Variants in BTG4 observed in about 807,000 individuals in gnomAD.
The protein encoded by BTG4 is protein BTG4.
A neutral mutation model predicts 19.3 loss-of-function variants in BTG4; 10 were observed. The ratio of observed to expected loss-of-function variants is 0.52; its 90% CI spans 0.32 to 0.88. The LOEUF (loss-of-function observed/expected upper bound fraction) is 0.88. BTG4 is among the 40% of genes least tolerant of loss of function. The probability of loss-of-function intolerance (pLI) is 0.04; values close to 1 mark genes in which losing one functional copy is unlikely to be tolerated. For synonymous variants in BTG4, 91 were observed against 95.7 expected, an observed-to-expected ratio of 0.95 and a Z score of 0.29; for missense variants, 238 against 281.9, an observed-to-expected ratio of 0.84 and a Z score of 1.11.
the BTG4 span, among the ~76,000 whole-genome samples, chr11:111,412,484 G>A: frequency 1.6e-4 from 24 of 152,206 alleles, no homozygotes; most frequent in East Asian, 3.5e-3. Flanking sequence ...ATGCTGACAC[G>A]GCTTTTCTGA....
chr11:111,454,867 G>A, the BTG4 span: 5 of 410,020 alleles, frequency 1.2e-5, no homozygotes, highest in Admixed American at 1.2e-4. Flanking sequence ...AGTCTCTCCA[G>A]CTGTTGGCAG....
the BTG4 span, among the ~76,000 whole-genome samples, chr11:111,437,186 C>CA: frequency 6.6e-6 from 1 of 152,014 alleles, no homozygotes; most frequent in Non-Finnish European, 1.5e-5. Flanking sequence ...ACACGGTGTT[C>CA]CAAAGAGCAA....
chr11:111,510,233 A>G (rs1866786583), intron 1 of BTG4, among the ~76,000 whole-genome samples: 1 of 152,062 alleles, frequency 6.6e-6, no homozygotes, highest in South Asian at 2.1e-4. Context: ...TCTAATTCCC[A>G]ATTCCCATCA....
the BTG4 span, among the ~76,000 whole-genome samples, chr11:111,439,310 A>G: frequency 6.6e-6 from 1 of 152,220 alleles, no homozygotes; most frequent in African/African-American, 2.4e-5. Context: ...GCATTGTGGC[A>G]GCACAGGCCC....
At chr11:111,503,349 A>T (rs1015409016) in intron 1 of BTG4, among the ~76,000 whole-genome samples, 37 of 152,246 alleles carry the variant, frequency 2.4e-4, no homozygotes, top group African/African-American at 8.9e-4. Context: ...GTCCACTGAC[A>T]AGATGTCAGA....
chr11:111,513,410 A>G (rs1360369302), upstream of BTG4: 1 of 534,314 alleles, frequency 1.9e-6, no homozygotes. Flanking sequence ...GTGTTGGGGT[A>G]CCAACTTGAG....
At chr11:111,486,062 C>T (rs1865043773) in intron 5 of BTG4, among the ~76,000 whole-genome samples, 1 of 152,124 alleles carries the variant, frequency 6.6e-6, no homozygotes, top group African/African-American at 2.4e-5. Context: ...CCTGAATAGA[C>T]CAATAACAAG....
At chr11:111,454,212 C>T in the BTG4 span, 1 of 440,662 alleles carries the variant, frequency 2.3e-6, no homozygotes, top group African/African-American at 2.0e-5. Flanking sequence ...GGAGGATAAT[C>T]CTTCTTCCCT....
intron 3 of BTG4, 36 bp downstream of exon 3, chr11:111,497,962 G>A: frequency 1.3e-6 from 2 of 1,598,854 alleles, no homozygotes; most frequent in South Asian, 2.2e-5. Flanking sequence ...AAGGTTTCCA[G>A]GTATCACACA....
chr11:111,475,135 A>G (rs2135547889), intron 5 of BTG4: 1 of 152,678 alleles, frequency 6.5e-6, no homozygotes, highest in Middle Eastern at 3.4e-3. Context: ...TTCAGTCTGC[A>G]TTATTAAAAG....
chr11:111,467,280 C>G (rs1189948342), downstream of BTG4, among the ~76,000 whole-genome samples: 2 of 152,134 alleles, frequency 1.3e-5, no homozygotes, highest in Non-Finnish European at 2.9e-5. Flanking sequence ...AAAGGCAGAG[C>G]CAAGGTTAAA....
downstream of BTG4, among the ~76,000 whole-genome samples, chr11:111,466,140 T>A (rs1355824448): frequency 6.6e-6 from 1 of 152,188 alleles, no homozygotes. Flanking sequence ...AATTACTTTT[T>A]AATAGATGAG....
chr11:111,452,844 G>A, the BTG4 span, among the ~76,000 whole-genome samples: 81,697 of 152,084 alleles, frequency 0.54, 25,210 homozygotes, highest in South Asian at 0.81. Flanking sequence ...CAGACTTTCC[G>A]GAAGAGTTGA....
the BTG4 span, among the ~76,000 whole-genome samples, chr11:111,444,189 G>GTA: frequency 7.6e-6 from 1 of 131,372 alleles, no homozygotes; most frequent in African/African-American, 2.8e-5. Flanking sequence ...AGGGGTGTGT[G>GTA]TGTGTGTGTG....
intron 5 of BTG4, among the ~76,000 whole-genome samples, chr11:111,479,031 C>G (rs1387223700): frequency 6.6e-6 from 1 of 151,900 alleles, no homozygotes; most frequent in Non-Finnish European, 1.5e-5. Flanking sequence ...GAATCCCAAA[C>G]AGGAAAACCC....
the BTG4 span, among the ~76,000 whole-genome samples, chr11:111,426,795 C>T: frequency 5.9e-5 from 9 of 152,328 alleles, no homozygotes; most frequent in South Asian, 1.7e-3. Flanking sequence ...CAGGCCCGGG[C>T]AGGTTTGGCA....
At chr11:111,471,692 A>C (rs183083192) in intron 5 of BTG4, among the ~76,000 whole-genome samples, 1 of 152,032 alleles carries the variant, frequency 6.6e-6, no homozygotes, top group Non-Finnish European at 1.5e-5. Context: ...AATCTCATCT[A>C]TATGTCAATG....
chr11:111,514,597 C>A, upstream of BTG4: 1 of 604,478 alleles, frequency 1.7e-6, no homozygotes. Flanking sequence ...TTGGACTGGT[C>A]CTAAAACCTG....
the BTG4 span, among the ~76,000 whole-genome samples, chr11:111,411,893 T>C: frequency 8.5e-5 from 13 of 152,194 alleles, no homozygotes; most frequent in Admixed American, 2.0e-4. Flanking sequence ...AATAAATTCA[T>C]TGAGGGAATC....
Sources: allele counts gnomAD v4.1 joint callset (sites outside exome capture counted in the v4.1 genomes callset), GRCh38; gene constraint gnomAD v4.1.1; transcripts MANE v1.5; gene names NCBI Gene and HGNC (gene_info 2026-07-23, HGNC 2026-07-21).